The following PCTP variants were observed in gnomAD, a reference collection of about 807,000 sequenced individuals.
PCTP encodes the protein START domain-containing protein 2.
Under a neutral mutation model 31.0 loss-of-function variants are expected in PCTP, and 27 were observed. The observed-to-expected ratio is 0.87, with a 90% CI of 0.64 to 1.20. The LOEUF (loss-of-function observed/expected upper bound fraction) is 1.20. PCTP is among the 50% of genes most tolerant of loss of function. The pLI is 0.00. For missense variants in PCTP, 287 were observed against 268.2 expected (o/e 1.07, Z -0.49); for synonymous variants, 108 against 101.2 (o/e 1.07, Z -0.40).
intron 5 of PCTP, among the ~76,000 whole-genome samples, chr17:55,834,001 C>G (rs1350753904): frequency 2.6e-5 from 4 of 152,008 alleles, no homozygotes; most frequent in African/African-American, 9.7e-5. Flanking sequence ...TGTCTGAAGA[C>G]TGACTTACAA....
intron 2 of PCTP, among the ~76,000 whole-genome samples, chr17:55,768,024 G>T (rs1050467520): frequency 1.3e-5 from 2 of 150,486 alleles, no homozygotes; most frequent in Admixed American, 1.3e-4. Flanking sequence ...AACCCAAGAA[G>T]CAGAGGTTGC....
chr17:55,842,545 T>C (rs1906016901), intron 5 of PCTP: 1 of 152,070 alleles, frequency 6.6e-6, no homozygotes, highest in Non-Finnish European at 1.5e-5. Context: ...ACTGGAGAGA[T>C]CAAGACCAGA....
chr17:55,777,845 T>C (rs1911418312), downstream of PCTP, among the ~76,000 whole-genome samples: 1 of 152,184 alleles, frequency 6.6e-6, no homozygotes, highest in Non-Finnish European at 1.5e-5. Context: ...GTAGCTGAAA[T>C]CTATTCTAGA....
chr17:55,839,252 A>G (rs1905880164), intron 5 of PCTP, among the ~76,000 whole-genome samples: 1 of 152,086 alleles, frequency 6.6e-6, no homozygotes, highest in Admixed American at 6.6e-5. Context: ...TTTTGTAGAG[A>G]TGAGGTATGC....
At chr17:55,758,772 C>G (rs912040111) in intron 1 of PCTP, among the ~76,000 whole-genome samples, 1 of 152,170 alleles carries the variant, frequency 6.6e-6, no homozygotes, top group Non-Finnish European at 1.5e-5. Flanking sequence ...CAGTTTTTCC[C>G]TCTCCTCGCA....
downstream of PCTP, among the ~76,000 whole-genome samples, chr17:55,823,719 C>G (rs1905306159): frequency 6.6e-6 from 1 of 152,180 alleles, no homozygotes; most frequent in Non-Finnish European, 1.5e-5. Flanking sequence ...AGGCAATTGT[C>G]AAGAGAGCTC....
At chr17:55,796,406 G>A (rs911388349) in intron 3 of PCTP, among the ~76,000 whole-genome samples, 1 of 151,940 alleles carries the variant, frequency 6.6e-6, no homozygotes, top group Non-Finnish European at 1.5e-5. Context: ...GTGTAAATTT[G>A]TTTATGTCTG....
chr17:55,802,217 G>A (rs1598006938), intron 3 of PCTP, among the ~76,000 whole-genome samples: 1 of 152,226 alleles, frequency 6.6e-6, no homozygotes, highest in East Asian at 1.9e-4. Context: ...AATTGAGGTA[G>A]TAAGTAATAG....
intron 5 of PCTP, among the ~76,000 whole-genome samples, chr17:55,841,360 T>C (rs1350314288): frequency 1.3e-5 from 2 of 152,216 alleles, no homozygotes; most frequent in Non-Finnish European, 1.5e-5. Context: ...GGAGAGGTTG[T>C]GGGTCGCCAT....
chr17:55,850,239 A>T, the PCTP span, among the ~76,000 whole-genome samples: 8 of 152,208 alleles, frequency 5.3e-5, no homozygotes, highest in Non-Finnish European at 1.0e-4. Flanking sequence ...CTTAAGTTGT[A>T]TCACTGTAAT....
chr17:55,824,328 G>C (rs1167891807), downstream of PCTP, among the ~76,000 whole-genome samples: 2 of 151,816 alleles, frequency 1.3e-5, no homozygotes, highest in African/African-American at 2.4e-5. Flanking sequence ...GCAAATTTTT[G>C]GTATAGCCAT....
intron 3 of PCTP, among the ~76,000 whole-genome samples, chr17:55,772,093 C>T (rs1442073242): frequency 1.3e-5 from 2 of 152,122 alleles, no homozygotes; most frequent in Non-Finnish European, 1.5e-5. Flanking sequence ...TGATATCTAT[C>T]ACATGAGCTG....
chr17:55,795,940 A>G (rs889698217), intron 3 of PCTP, among the ~76,000 whole-genome samples: 2 of 152,064 alleles, frequency 1.3e-5, no homozygotes, highest in South Asian at 4.1e-4. Flanking sequence ...TTAATGAAAT[A>G]TATGCTCTAT....
chr17:55,788,101 C>T (rs908036212), intron 3 of PCTP, among the ~76,000 whole-genome samples: 27 of 152,096 alleles, frequency 1.8e-4, no homozygotes, highest in South Asian at 6.2e-4. Flanking sequence ...ACCTCTCTTC[C>T]GAATTTTATA....
intron 1 of PCTP, among the ~76,000 whole-genome samples, chr17:55,764,628 A>G (rs1441093125): frequency 6.6e-6 from 1 of 152,200 alleles, no homozygotes; most frequent in Non-Finnish European, 1.5e-5. Context: ...GTACTTTCAC[A>G]TACATCTGAG....
chr17:55,768,270 T>A (rs2144948732), intron 2 of PCTP, among the ~76,000 whole-genome samples: 1 of 152,292 alleles, frequency 6.6e-6, no homozygotes, highest in South Asian at 2.1e-4. Context: ...CTCTCCACAG[T>A]TTGCTCTTGG....
At chr17:55,766,887 A>C (rs1910694004) in intron 1 of PCTP, among the ~76,000 whole-genome samples, 1 of 151,974 alleles carries the variant, frequency 6.6e-6, no homozygotes, top group Admixed American at 6.5e-5. Flanking sequence ...AACAGTGTAA[A>C]AGTATTCTTA....
At chr17:55,781,444 C>T (rs1157624745), downstream of PCTP, among the ~76,000 whole-genome samples, 1 of 152,140 alleles carries the variant, frequency 6.6e-6, no homozygotes, top group Non-Finnish European at 1.5e-5. Context: ...AAATCCAGCA[C>T]CTTCAGATTG....
intron 3 of PCTP, among the ~76,000 whole-genome samples, chr17:55,790,594 C>G (rs532371472): frequency 0.038 from 5,720 of 149,858 alleles, 350 homozygotes; most frequent in African/African-American, 0.13. Flanking sequence ...ATCCAACTTA[C>G]AAGGGATGTG....
Sources: allele counts gnomAD v4.1 joint callset (sites outside exome capture counted in the v4.1 genomes callset), GRCh38; gene constraint gnomAD v4.1.1; transcripts MANE v1.5; gene names NCBI Gene and HGNC (gene_info 2026-07-23, HGNC 2026-07-21).